Variants in PTPRN2 observed in about 807,000 individuals in gnomAD.
The protein encoded by PTPRN2 is protein tyrosine phosphatase receptor type N2.
PTPRN2 carries 74 observed loss-of-function variants against 118.8 expected under a neutral mutation model. The ratio of observed to expected loss-of-function variants is 0.62; its 90% confidence interval spans 0.52 to 0.76. The LOEUF (loss-of-function observed/expected upper bound fraction) is 0.76. Among genes scored for constraint, PTPRN2 ranks in the 30% least tolerant of loss-of-function variants. The pLI, the probability that PTPRN2 is intolerant of heterozygous loss-of-function variation, is 0.00. For missense variants in PTPRN2, 1,481 were observed against 1,394.4 expected (o/e 1.06, Z -0.99); for synonymous variants, 641 against 608.0 (o/e 1.05, Z -0.80).
chr7:157,690,067 G>T lies in PTPRN2; in HGVS notation c.1789-7130C>A, dbSNP rs540159749. Among the ~76,000 whole-genome samples the T allele has an allele frequency of 6.6e-6, 1 of 152,328 alleles. No homozygotes were observed. The highest frequency in any genetic ancestry group is 1.9e-4 in the East Asian group (1 of 5,164). ...CCAGCACCCTGCAATGGTCGGAACT[G>T]CAGGGAGTGGGGAGCAACGCGAAAG... On this transcript the variant is annotated intron_variant, in intron 12 of 22. Transcript: ENST00000389418. The surrounding 1 kb of genome is among the most constrained non-coding windows in gnomAD (Gnocchi z 7.1).
At chr7:158,100,700 CT>C (rs1222352456) in intron 10 of PTPRN2, among the ~76,000 whole-genome samples, 1 of 152,188 alleles carries the variant, frequency 6.6e-6, no homozygotes, top group Non-Finnish European at 1.5e-5. Context: ...TGTATATCTT[CT>C]TTCAAGAATT....
chr7:158,149,602 A>G (rs539986040), intron 6 of PTPRN2, among the ~76,000 whole-genome samples: 52 of 152,272 alleles, frequency 3.4e-4, no homozygotes, highest in Admixed American at 1.0e-3. Flanking sequence ...CAGGAGTTCG[A>G]GACCAGCCTG....
chr7:157,602,815 C>G (rs6960501), intron 16 of PTPRN2, among the ~76,000 whole-genome samples: 2,010 of 152,358 alleles, frequency 0.013, 47 homozygotes, highest in African/African-American at 0.046. Flanking sequence ...TGGGCCAATA[C>G]TTTCATCCAA....
chr7:157,749,100 G>C (rs371545460), intron 12 of PTPRN2, among the ~76,000 whole-genome samples: 1 of 68,064 alleles, frequency 1.5e-5, no homozygotes, highest in African/African-American at 7.0e-5. Flanking sequence ...CTGCGTCCCT[G>C]AGCTGTGGGC....
In PTPRN2 at chr7:157,898,709, G is replaced by C. The variant is rs1797272620; in HGVS notation, c.1752C>G (p.Thr584=). The C allele has an allele frequency of 6.2e-7, 1 of 1,608,546 alleles. No individual in the cohort carries two copies. Among genetic ancestry groups the C allele is most frequent in the Non-Finnish European group, 8.5e-7 (1 of 1,174,872 alleles). Residue 584 remains threonine (T), a synonymous_variant, in exon 12 of 23, where the codon ACC becomes ACG. Transcript: ENST00000389418. ...TVDNKDKLEE[T]SGLKILQTGV... ...CGGTTTGAAGAATTTTCAGTCCAGA[G>C]GTTTCCTCCAGTTTGTCTTTGTTGT...
chr7:158,289,594 C>A (rs1001397468), intron 3 of PTPRN2, among the ~76,000 whole-genome samples: 1 of 152,074 alleles, frequency 6.6e-6, no homozygotes, highest in African/African-American at 2.4e-5. Context: ...TCTATATTTT[C>A]TTGAAGTTCA....
intron 2 of PTPRN2, among the ~76,000 whole-genome samples, chr7:158,341,743 C>G (rs796997597): frequency 1.4e-5 from 2 of 144,568 alleles, no homozygotes; most frequent in Non-Finnish European, 3.0e-5. Flanking sequence ...AGACGTCACT[C>G]ACACCGACAC....
At chr7:157,916,215 C>T (rs531226837) in intron 11 of PTPRN2, among the ~76,000 whole-genome samples, 29 of 152,240 alleles carry the variant, frequency 1.9e-4, no homozygotes, top group Non-Finnish European at 3.2e-4. Context: ...CCCCAGTCCA[C>T]GCTTTCCCCA....
Position 157,609,270 on chromosome 7 carries a change from C to A in PTPRN2, c.2345-5195G>T, listed in dbSNP as rs1802187088. 6.6e-6 allele frequency among the ~76,000 whole-genome samples: 1 copy of A among 152,100 alleles called. No homozygotes were observed. Among genetic ancestry groups the A allele is most frequent in the Non-Finnish European group, 1.5e-5 (1 of 68,022 alleles). ...TGGTGGTGGGCGGCTGTAATCCCAGCTACTTGGGAGGCTGAGGCAGGAGAA... is the reference window on the plus strand; with the variant it reads ...TGGTGGTGGGCGGCTGTAATCCCAGATACTTGGGAGGCTGAGGCAGGAGAA... On this transcript the variant is annotated intron_variant, in intron 15 of 22. Coordinates refer to ENST00000389418, the MANE Select transcript of PTPRN2 (RefSeq NM_002847.5). This position sits in a 1 kb window ranked among gnomAD's most constrained non-coding sequence, Gnocchi z 4.9.
intron 2 of PTPRN2, among the ~76,000 whole-genome samples, chr7:158,450,227 C>G (rs968467413): frequency 2.0e-5 from 3 of 152,258 alleles, no homozygotes; most frequent in Middle Eastern, 3.2e-3. Flanking sequence ...CACGGGTGAT[C>G]TAACTCAATC....
chr7:157,929,703 G>GACCAGCAGTATTCA lies in PTPRN2; in HGVS notation c.1724-30967_1724-30966insTGAATACTGCTGGT, dbSNP rs1480157880. 1.1e-5 allele frequency among the ~76,000 whole-genome samples: 1 copy of GACCAGCAGTATTCA among 94,204 alleles called. No individual in the cohort carries two copies. Among genetic ancestry groups the GACCAGCAGTATTCA allele is most frequent in the Non-Finnish European group, 2.0e-5 (1 of 50,918 alleles). 61.8% of individuals were successfully genotyped at this position (94,204 alleles called of 152,430 possible). A position where few individuals can be genotyped will look rare whatever the true frequency, so the allele number is the denominator to read the frequency against. Reference sequence around the variant, plus strand: ...CTACTGTAAGACTTCCCTGTCCCTCGGGTGGGGGCGGCATCCTCACAGGGG... The same window carrying GACCAGCAGTATTCA: ...CTACTGTAAGACTTCCCTGTCCCTCGACCAGCAGTATTCAGGTGGGGGCGGCATCCTCACAGGGG... On this transcript the variant is annotated intron_variant, in intron 11 of 22. Transcript: ENST00000389418. This position sits in a 1 kb window ranked among gnomAD's most constrained non-coding sequence, Gnocchi z 4.4.
intron 4 of PTPRN2, among the ~76,000 whole-genome samples, chr7:158,203,377 CA>C (rs1430504131): frequency 4.6e-5 from 7 of 151,886 alleles, no homozygotes; most frequent in African/African-American, 1.7e-4. Flanking sequence ...ACAAAGATAA[CA>C]TACCATTTTT....
chr7:158,336,522 A>C (rs200368650), intron 2 of PTPRN2, among the ~76,000 whole-genome samples: 21,179 of 51,434 alleles, frequency 0.41, 6,518 homozygotes, highest in South Asian at 0.54. Flanking sequence ...CACTCTCACC[A>C]TAAGAGGTGA....
chr7:158,129,547 ACACATGCAACACATAC>A (rs1311861735), intron 9 of PTPRN2, among the ~76,000 whole-genome samples: 18 of 150,470 alleles, frequency 1.2e-4, no homozygotes, highest in African/African-American at 4.0e-4. Context: ...TACACACAAC[ACACATGCAACACATAC>A]CACATGCAAC....
Position 158,138,459 on chromosome 7 carries a change from C to G in PTPRN2, c.967G>C (p.Gly323Arg), listed in dbSNP as rs150508509. Residue 323 changes from glycine (G) to arginine (R), a missense_variant, in exon 7 of 23, where the codon GGC becomes CGC. Gly to Arg is a moderately radical substitution (Grantham distance 125). This residue lies in a region of PTPRN2 where 1,115 missense variants were observed against 994.2 expected (regional missense o/e 1.12). Coordinates refer to ENST00000389418, the MANE Select transcript of PTPRN2 (RefSeq NM_002847.5). ...DLQRQPAEVRGLSGLELDGMA... is the reference protein window; with the variant it reads ...DLQRQPAEVRRLSGLELDGMA... Reference sequence around the variant, plus strand: ...CCGTCCAGCTCCAGGCCACTCAGGCCCCTCACCTCAGCCGGCTGCCTCTGC... The same window carrying G: ...CCGTCCAGCTCCAGGCCACTCAGGCGCCTCACCTCAGCCGGCTGCCTCTGC... The G allele has an allele frequency of 3.5e-3, 5,711 of 1,613,126 alleles. 130 individuals are homozygous for G. In the African/African-American group the frequency reaches 0.052, roughly 15 times the overall value.
chr7:158,190,473 T>C (rs1825671717), intron 5 of PTPRN2, among the ~76,000 whole-genome samples: 1 of 152,212 alleles, frequency 6.6e-6, no homozygotes, highest in African/African-American at 2.4e-5. Flanking sequence ...TGGAAGGCTT[T>C]GGGGCATGTT....
chr7:158,583,129 T>C (rs1474656260), intron 1 of PTPRN2, among the ~76,000 whole-genome samples: 1 of 152,190 alleles, frequency 6.6e-6, no homozygotes, highest in Non-Finnish European at 1.5e-5. Flanking sequence ...TAAAGAAAAG[T>C]CGATGAGTAA....
chr7:157,789,114 T>C lies in PTPRN2; in HGVS notation c.1789-106177A>G, dbSNP rs1450162652. On this transcript the variant is annotated intron_variant, in intron 12 of 22. Transcript: ENST00000389418. Reference sequence around the variant, plus strand: ...CTAGGAGGTCAGCAACTTTAGGTAATGCCCACACCTGATGGGGGAAATCAC... The same window carrying C: ...CTAGGAGGTCAGCAACTTTAGGTAACGCCCACACCTGATGGGGGAAATCAC... Among the ~76,000 whole-genome samples the C allele has an allele frequency of 3.3e-5, 5 of 152,358 alleles. No individual in the cohort carries two copies. The East Asian group carries it at 7.7e-4, about 24-fold the overall frequency.
chr7:158,146,910 G>A lies in PTPRN2; in HGVS notation c.911-8395C>T, dbSNP rs532226734. Among the ~76,000 whole-genome samples the A allele has an allele frequency of 9.2e-5, 14 of 151,840 alleles. 1 individual carries two copies. In the South Asian group the frequency reaches 2.9e-3, roughly 32 times the overall value. ...ATACACCATTAAGATCCTGTGAAGA[G>A]ACTGAATGACACCCCATCTCACGCC... On this transcript the variant is annotated intron_variant, in intron 6 of 22. Transcript: ENST00000389418.
Sources: gnomAD v4.1 joint callset for allele counts (sites outside exome capture counted in the v4.1 genomes callset) on GRCh38, gnomAD v4.1.1 for gene constraint, gnomAD v4.1.1 regional missense constraint, Gnocchi (gnomAD v3.1) non-coding constraint, MANE v1.5 for transcripts, NCBI Gene and HGNC (gene_info 2026-07-23, HGNC 2026-07-21) for gene names.